Variants in IL1RAPL2 observed in about 807,000 individuals in gnomAD.
The protein encoded by IL1RAPL2 is interleukin 1 receptor accessory protein like 2.
A neutral mutation model predicts 44.1 loss-of-function variants in IL1RAPL2; 3 were observed. The observed-to-expected ratio is 0.07, with a 90% CI of 0.03 to 0.18. IL1RAPL2 has a LOEUF of 0.18. Ranked by LOEUF, IL1RAPL2 falls within the 10% of genes least tolerant of loss-of-function variation. The pLI, the probability that IL1RAPL2 is intolerant of heterozygous loss-of-function variation, is 1.00. For synonymous variants in IL1RAPL2, 181 were observed against 178.8 expected (o/e 1.01, Z -0.10); for missense variants, 391 against 496.4 (o/e 0.79, Z 2.02).
rs891469652 is a variant in IL1RAPL2 at position 104,849,964 on chromosome X, C to A, written c.82+190969C>A. Among the ~76,000 whole-genome samples the A allele has an allele frequency of 1.4e-3, 158 of 110,782 alleles. 1 individual carries two copies. The highest frequency in any genetic ancestry group is 4.8e-3 in the African/African-American group (147 of 30,578). Reference sequence around the variant, plus strand: ...ATACATGTACCTACATGTAAATATACCTAGACATGTGTGTATATATACACA... The same window carrying A: ...ATACATGTACCTACATGTAAATATAACTAGACATGTGTGTATATATACACA... On this transcript the variant is annotated intron_variant, in intron 2 of 10. Transcript: ENST00000372582.
chrX:104,813,548 A>G (rs754635035), intron 2 of IL1RAPL2, among the ~76,000 whole-genome samples: 1 of 111,722 alleles, frequency 9.0e-6, no homozygotes, highest in Admixed American at 9.5e-5. Flanking sequence ...CAACAAGCTT[A>G]TGTTAAATAT....
At chrX:104,880,731 G>C (rs1258798525) in intron 2 of IL1RAPL2, among the ~76,000 whole-genome samples, 1 of 112,232 alleles carries the variant, frequency 8.9e-6, no homozygotes, top group African/African-American at 3.2e-5. Context: ...CACGCAAACT[G>C]TTCGAAGTAA....
intron 5 of IL1RAPL2, among the ~76,000 whole-genome samples, chrX:105,273,174 A>G (rs746063022): frequency 9.0e-6 from 1 of 111,640 alleles, no homozygotes; most frequent in African/African-American, 3.3e-5. Context: ...TGCAACATAC[A>G]TTGCGTTTAG....
intron 6 of IL1RAPL2, among the ~76,000 whole-genome samples, chrX:105,563,579 A>G (rs1880526775): frequency 8.9e-6 from 1 of 112,066 alleles, no homozygotes; most frequent in Non-Finnish European, 1.9e-5. Context: ...CAACAAAAAT[A>G]TGAGGTAGTC....
intron 5 of IL1RAPL2, among the ~76,000 whole-genome samples, chrX:105,317,504 C>A (rs1298376229): frequency 1.8e-5 from 2 of 111,946 alleles, no homozygotes; most frequent in Non-Finnish European, 1.9e-5. Flanking sequence ...TAAGTCATTT[C>A]TTGTTGTTGA....
At chrX:104,729,839 G>A (rs991247021) in intron 2 of IL1RAPL2, among the ~76,000 whole-genome samples, 2 of 110,582 alleles carry the variant, frequency 1.8e-5, no homozygotes, top group African/African-American at 6.6e-5. Context: ...ACATGGTCTC[G>A]TTCTTTTTTA....
At chrX:105,209,369 A>AATG (rs1398667474) in intron 3 of IL1RAPL2, among the ~76,000 whole-genome samples, 18 of 112,076 alleles carry the variant, frequency 1.6e-4, no homozygotes, top group African/African-American at 5.2e-4. Flanking sequence ...AAAAGAGGTC[A>AATG]ATGAAGGCTT....
intron 2 of IL1RAPL2, among the ~76,000 whole-genome samples, chrX:104,691,419 T>C (rs1931090482): frequency 8.9e-6 from 1 of 112,309 alleles, no homozygotes. Context: ...TCAGGACATA[T>C]GGCTGTTTTG....
At chrX:105,211,076 C>T (rs2033804520) in intron 3 of IL1RAPL2, among the ~76,000 whole-genome samples, 1 of 109,913 alleles carries the variant, frequency 9.1e-6, no homozygotes, top group Non-Finnish European at 1.9e-5. Flanking sequence ...TGTTTCTGTT[C>T]TGTTTCACAT....
At chrX:104,887,896 G>A (rs1923297040) in intron 2 of IL1RAPL2, among the ~76,000 whole-genome samples, 1 of 111,612 alleles carries the variant, frequency 9.0e-6, no homozygotes, top group Non-Finnish European at 1.9e-5. Flanking sequence ...CCAGGGACCA[G>A]CGCCCAGTTA....
chrX:104,901,199 C>CTTTTTTTTTTTTT (rs1194148816), intron 2 of IL1RAPL2, among the ~76,000 whole-genome samples: 2 of 32,119 alleles, frequency 6.2e-5, no homozygotes, highest in African/African-American at 1.3e-4. Context: ...TCTTTTGCTT[C>CTTTTTTTTTTTTT]TTTTTTTTTT....
rs768001274 is a variant in IL1RAPL2, at chrX:105,767,756, G to T, written c.*95G>T. On this transcript the variant is annotated 3_prime_UTR_variant, in exon 11 of 11. Transcript: ENST00000372582. ...CACCTAATAACGTTGTGTTAAAAAA[G>T]TGTTTGAAGAAAAAGGTACAAAAAT... The T allele has an allele frequency of 3.1e-6, 2 of 654,999 alleles. No individual in the cohort carries two copies. The highest frequency in any genetic ancestry group is 4.6e-6 in the Non-Finnish European group (2 of 431,674). 54.0% of individuals were successfully genotyped at this position (654,999 alleles called of 1,213,427 possible). A position where few individuals can be genotyped will look rare whatever the true frequency, so the allele number is the denominator to read the frequency against.
intron 2 of IL1RAPL2, among the ~76,000 whole-genome samples, chrX:104,691,811 T>C (rs1931096431): frequency 9.0e-6 from 1 of 111,731 alleles, no homozygotes; most frequent in South Asian, 3.8e-4. Flanking sequence ...CATCTGACTT[T>C]TTGTTTTTTC....
chrX:105,425,421 G>A (rs779532193), intron 5 of IL1RAPL2, among the ~76,000 whole-genome samples: 3 of 110,500 alleles, frequency 2.7e-5, no homozygotes, highest in Admixed American at 9.7e-5. Context: ...TTTGATTAAG[G>A]TGAATGGGAA....
intron 6 of IL1RAPL2, among the ~76,000 whole-genome samples, chrX:105,528,624 T>C (rs2036610028): frequency 8.9e-6 from 1 of 111,779 alleles, no homozygotes; most frequent in South Asian, 3.7e-4. Context: ...ATTTGTACTA[T>C]GTCTACATAC....
chrX:105,169,492 C>CTTTTTTTTTTTTTTT lies in IL1RAPL2; in HGVS notation c.83-25967_83-25953dup. Among the ~76,000 whole-genome samples, 71 of 41,564 alleles carry CTTTTTTTTTTTTTTT rather than the reference C, an allele frequency of 1.7e-3. 19 individuals carry two copies. The highest frequency in any genetic ancestry group is 7.7e-3 in the African/African-American group (56 of 7,274). 36.1% of individuals were successfully genotyped at this position (41,564 alleles called of 115,157 possible). ...TGAGAAACTTTCAGTTTCTTTCTTT[C>CTTTTTTTTTTTTTTT]TTTTTTTTTTTTTTTTTTTTTTTTT... On this transcript the variant is annotated intron_variant, in intron 2 of 10. Coordinates refer to ENST00000372582, the MANE Select transcript of IL1RAPL2 (RefSeq NM_017416.2).
At chrX:104,710,063 G>C (rs748333931) in intron 2 of IL1RAPL2, among the ~76,000 whole-genome samples, 2 of 111,431 alleles carry the variant, frequency 1.8e-5, no homozygotes, top group East Asian at 5.6e-4. Flanking sequence ...AGTTACTGTG[G>C]AAAGCAGTTT....
intron 2 of IL1RAPL2, among the ~76,000 whole-genome samples, chrX:105,105,678 C>T (rs2032730993): frequency 8.9e-6 from 1 of 112,198 alleles, no homozygotes; most frequent in Non-Finnish European, 1.9e-5. Flanking sequence ...TTTGATGTGA[C>T]CACGTGATCT....
intron 2 of IL1RAPL2, among the ~76,000 whole-genome samples, chrX:104,681,564 T>C (rs752656868): frequency 4.4e-5 from 5 of 112,916 alleles, no homozygotes; most frequent in Admixed American, 1.9e-4. Flanking sequence ...GTATTTTTGA[T>C]GAAGAAGAGT....
Sources: gnomAD v4.1 joint callset for allele counts (sites outside exome capture counted in the v4.1 genomes callset) on GRCh38, gnomAD v4.1.1 for gene constraint, MANE v1.5 for transcripts, NCBI Gene and HGNC (gene_info 2026-07-23, HGNC 2026-07-21) for gene names.